Variants in APC2 observed in about 807,000 individuals in gnomAD.
The protein encoded by APC2 is adenomatous polyposis coli protein 2.
APC2 carries 41 observed loss-of-function variants against 72.5 expected under a neutral mutation model. The observed-to-expected ratio is 0.57, with a 90% CI of 0.44 to 0.73. The LOEUF is 0.73. Among genes scored for constraint, APC2 ranks in the 30% least tolerant of loss-of-function variants. The probability of loss-of-function intolerance (pLI) is 0.00; values close to 1 mark genes in which losing one functional copy is unlikely to be tolerated. For missense variants in APC2, 3,729 were observed against 3,403.4 expected (o/e 1.10, Z -2.38); for synonymous variants, 1,898 against 1,612.0 (o/e 1.18, Z -4.25).
rs1251264379 is a variant in APC2 at position 1,469,307 on chromosome 19, G to C, written c.6006G>C (p.Pro2002=). 5 of 1,416,052 alleles carry C rather than the reference G, an allele frequency of 3.5e-6. No individual in the cohort carries two copies. The highest frequency in any genetic ancestry group is 3.7e-6 in the Non-Finnish European group (4 of 1,081,850). 87.7% of individuals were successfully genotyped at this position (1,416,052 alleles called of 1,614,324 possible). A position where few individuals can be genotyped will look rare whatever the true frequency, so the allele number is the denominator to read the frequency against. The change falls in exon 15 of 15, where the codon CCG becomes CCC. Residue 2002 remains proline, a synonymous_variant. Transcript: ENST00000590469. Reference sequence around the variant, plus strand: ...AGCTAACCTTCATCAAGGAGTCGCCGGGCTTGCGGCGCCGCCGCTCCGAGC... The same window carrying C: ...AGCTAACCTTCATCAAGGAGTCGCCCGGCTTGCGGCGCCGCCGCTCCGAGC... ...RRQLTFIKES[P]GLRRRRSELS... is the part of the protein sequence containing the mutation.
intron 6 of APC2, 122 bp downstream of exon 6, chr19:1,455,622 G>A (rs191905247): frequency 6.1e-6 from 6 of 975,904 alleles, no homozygotes; most frequent in East Asian, 2.7e-5. Context: ...TCCTGGGTTG[G>A]GGGGCGCGGG....
chr19:1,470,138 C>T lies in APC2; in HGVS notation c.6837C>T (p.Pro2279=), dbSNP rs776138695. The change falls in exon 15 of 15, where the codon CCC becomes CCT. Residue 2279 remains proline, a synonymous_variant. Transcript: ENST00000590469. ...RVPPFNYVPS[P]MVVAATTDSA... is the part of the protein sequence containing the mutation. ...CCCCCTTCAACTATGTGCCCAGCCC[C>T]ATGGTGGTCGCAGCCACCACCGACT... is the stretch of plus-strand genomic sequence containing the variant. The T allele has an allele frequency of 6.2e-7, 1 of 1,607,016 alleles. No homozygotes were observed.
upstream of APC2, among the ~76,000 whole-genome samples, chr19:1,446,637 C>A (rs1229105892): frequency 6.6e-6 from 1 of 152,066 alleles, no homozygotes; most frequent in African/African-American, 2.4e-5. This position sits in a 1 kb window ranked among gnomAD's most constrained non-coding sequence, Gnocchi z 6.1. Flanking sequence ...GACCCTCGGA[C>A]CCCTCCTCAC....
rs1010039520 is a variant in APC2 at position 1,469,474 on chromosome 19, G to A, written c.6173G>A (p.Arg2058Gln). Reference protein sequence around the residue: ...AAPRQGPAPARQRPPAARPSP... With the variant: ...AAPRQGPAPAQQRPPAARPSP... ...CCCCGGCAGGGCCCGGCCCCGGCCC[G>A]GCAGCGGCCCCCCGCGGCCCGACCC... is the stretch of plus-strand genomic sequence containing the variant. The change falls in exon 15 of 15, where the codon CGG becomes CAG. Residue 2058 changes from arginine to glutamine, a missense_variant. Physicochemically the swap from Arg to Gln is conservative, Grantham distance 43. Transcript: ENST00000590469. The A allele has an allele frequency of 6.3e-6, 7 of 1,116,564 alleles. No individual in the cohort carries two copies. Among genetic ancestry groups the A allele is most frequent in the African/African-American group, 3.4e-5 (2 of 59,546 alleles). 69.2% of individuals were successfully genotyped at this position (1,116,564 alleles called of 1,614,324 possible). A position where few individuals can be genotyped will look rare whatever the true frequency, so the allele number is the denominator to read the frequency against.
intron 11 of APC2, 111 bp downstream of exon 11, chr19:1,460,431 T>C: frequency 6.7e-7 from 1 of 1,503,160 alleles, no homozygotes; most frequent in Non-Finnish European, 9.1e-7. Context: ...TGGGGCCACT[T>C]GTCCCCAACT....
Position 1,467,669 on chromosome 19 carries a change from G to A in APC2, c.4368G>A (p.Arg1456=). ...CCGGCCGCAGCGCGGAGCAGTCTCG[G>A]GGCGCGGGCAAGAACAGAGCAGGGC... The part of the protein sequence containing the change: ...GGAGRSAEQS[R]GAGKNRAGLE... The change falls in exon 15 of 15, where the codon CGG becomes CGA. Residue 1456 remains arginine, a synonymous_variant. Coordinates refer to ENST00000590469, the MANE Select transcript of APC2 (RefSeq NM_005883.3). The A allele has an allele frequency of 6.8e-7, 1 of 1,478,930 alleles. No homozygotes were observed. The highest frequency in any genetic ancestry group is 1.5e-5 in the African/African-American group (1 of 68,282). 91.6% of individuals were successfully genotyped at this position (1,478,930 alleles called of 1,614,324 possible). A position where few individuals can be genotyped will look rare whatever the true frequency, so the allele number is the denominator to read the frequency against.
intron 9 of APC2, 57 bp downstream of exon 9, chr19:1,457,300 C>T: frequency 6.8e-7 from 1 of 1,465,622 alleles, no homozygotes; most frequent in Non-Finnish European, 9.0e-7. Flanking sequence ...CTAGGGCTTC[C>T]CGGGGGATGG....
Position 1,466,443 on chromosome 19 carries a change from C to T in APC2, c.3142C>T (p.Leu1048=), listed in dbSNP as rs1568179515. 6.3e-7 allele frequency: 1 copy of T among 1,597,602 alleles called. No individual in the cohort carries two copies. The highest frequency in any genetic ancestry group is 8.5e-7 in the Non-Finnish European group (1 of 1,179,212). Residue 1048 remains leucine (L), a synonymous_variant, in exon 15 of 15, where the codon CTG becomes TTG. Coordinates refer to ENST00000590469, the MANE Select transcript of APC2 (RefSeq NM_005883.3). ...KVPEKLAAAP[L]SVASKALQKL... ...TCCCGAGAAGCTGGCGGCTGCCCCG[C>T]TGTCTGTGGCCAGCAAGGCACTGCA...
At chr19:1,464,152 T>C (rs1299228232) in intron 14 of APC2, among the ~76,000 whole-genome samples, 1 of 151,902 alleles carries the variant, frequency 6.6e-6, no homozygotes, top group Non-Finnish European at 1.5e-5. Context: ...CTACTAAAAA[T>C]ATAAAAATTA....
At position 1,468,820 on chromosome 19, in the gene APC2, C is replaced by A; in HGVS notation, c.5519C>A (p.Ser1840Ter). The A allele has an allele frequency of 6.5e-7, 1 of 1,543,790 alleles. No homozygotes were observed. The highest frequency in any genetic ancestry group is 8.7e-7 in the Non-Finnish European group (1 of 1,149,916). ...GTCCCGAGCCCCGGGCAGCAGCGGT[C>A]GCGGAGCCTACACCGGCCTGCCAAG... ...AKVPSPGQQR[S>*]RSLHRPAKTS... The change falls in exon 15 of 15, where the codon TCG (serine) becomes TAG (stop). Residue 1840 changes from serine to a stop codon, truncating the protein, a stop_gained. Transcript: ENST00000590469. LOFTEE classifies it low-confidence loss of function (END_TRUNC).
chr19:1,456,034 C>T (rs2083818867), intron 6 of APC2, 42 bp from the exon 7 acceptor site: 5 of 1,508,376 alleles, frequency 3.3e-6, no homozygotes, highest in Non-Finnish European at 4.4e-6. Context: ...GAGCCGGGGG[C>T]GGGGTCAGCT....
chr19:1,461,005 G>A (rs2083914134), intron 12 of APC2, 32 bp from the exon 13 acceptor site: 1 of 1,611,114 alleles, frequency 6.2e-7, no homozygotes, highest in Non-Finnish European at 8.5e-7. Flanking sequence ...CTGGACCCTA[G>A]TCCCACCACA....
intron 3 of APC2, 45 bp from the exon 4 acceptor site, chr19:1,453,386 A>G (rs2083769546): frequency 6.2e-7 from 1 of 1,610,698 alleles, no homozygotes; most frequent in African/African-American, 1.3e-5. Flanking sequence ...CTGGGGGGAA[A>G]GGCAGGCAGG....
At position 1,469,023 on chromosome 19, in the gene APC2, G is replaced by A. The variant is rs755099635; in HGVS notation, c.5722G>A (p.Val1908Met). 1.3e-6 allele frequency: 2 copies of A among 1,548,202 alleles called. No homozygotes were observed. Among genetic ancestry groups the A allele is most frequent in the South Asian group, 2.4e-5 (2 of 83,166 alleles). Residue 1908 changes from valine to methionine, a missense_variant, in exon 15 of 15, where the codon GTG becomes ATG. Transcript: ENST00000590469. ...GALPGPGASP[V>M]PKTPARTLLA... ...CCTGCCCGGCCCCGGAGCCTCCCCG[G>A]TGCCCAAAACGCCGGCGCGCACCCT...
chr19:1,469,519 C>A lies in APC2; in HGVS notation c.6218C>A (p.Ala2073Asp). 1 of 1,158,258 alleles carries A rather than the reference C, an allele frequency of 8.6e-7. No individual in the cohort carries two copies. The highest frequency in any genetic ancestry group is 2.2e-5 in the South Asian group (1 of 45,486). The allele number at this position is 1,158,258 out of a possible 1,614,324, so 71.7% of individuals were successfully genotyped here. A position where few individuals can be genotyped will look rare whatever the true frequency, so the allele number is the denominator to read the frequency against. Reference sequence around the variant, plus strand: ...CGACCCAGCCCTGGCGAGCGCCCTGCCCGGCGCACCACCTCCGAGAGCCCG... The same window carrying A: ...CGACCCAGCCCTGGCGAGCGCCCTGACCGGCGCACCACCTCCGAGAGCCCG... ...AARPSPGERPARRTTSESPSR... is the reference protein window; with the variant it reads ...AARPSPGERPDRRTTSESPSR... The change falls in exon 15 of 15, where the codon GCC becomes GAC. Residue 2073 changes from alanine (A) to aspartate (D), a missense_variant. Coordinates refer to ENST00000590469, the MANE Select transcript of APC2 (RefSeq NM_005883.3).
upstream of APC2, among the ~76,000 whole-genome samples, chr19:1,447,789 G>A (rs1033241559): frequency 9.9e-5 from 15 of 152,140 alleles, no homozygotes; most frequent in Admixed American, 9.8e-4. Context: ...GATAAGAAGG[G>A]AGGTTCAGTG....
intron 10 of APC2, among the ~76,000 whole-genome samples, chr19:1,458,950 C>T (rs1035532677): frequency 1.3e-5 from 2 of 152,116 alleles, no homozygotes; most frequent in African/African-American, 2.4e-5. Flanking sequence ...TCCCAAAGTG[C>T]CGGGATTACA....
intron 14 of APC2, among the ~76,000 whole-genome samples, chr19:1,463,116 A>G (rs1417954771): frequency 6.6e-6 from 1 of 151,940 alleles, no homozygotes; most frequent in Non-Finnish European, 1.5e-5. Flanking sequence ...TCTCTACTAA[A>G]AAATATAAAA....
At chr19:1,449,939 C>A (rs1239120590), upstream of APC2, among the ~76,000 whole-genome samples, 1 of 152,164 alleles carries the variant, frequency 6.6e-6, no homozygotes, top group African/African-American at 2.4e-5. Context: ...ACCCCCTTCC[C>A]TCGGGGGGGT....
Sources: allele counts gnomAD v4.1 joint callset (sites outside exome capture counted in the v4.1 genomes callset), GRCh38; gene constraint gnomAD v4.1.1; non-coding constraint Gnocchi (gnomAD v3.1); transcripts MANE v1.5; gene names NCBI Gene and HGNC (gene_info 2026-07-23, HGNC 2026-07-21).